The following LRP1B variants were observed in gnomAD, a reference collection of about 807,000 sequenced individuals.
LRP1B encodes the protein LDL receptor related protein 1B, also known as low-density lipoprotein receptor-related protein 1B.
Under a neutral mutation model 556.6 loss-of-function variants are expected in LRP1B, and 217 were observed. That is an observed-to-expected ratio of 0.39 (90% CI 0.35 to 0.44). The LOEUF is 0.44. Among genes scored for constraint, LRP1B ranks in the 20% least tolerant of loss-of-function variants. LRP1B has a pLI of 1.00. For missense variants in LRP1B, 5,053 were observed against 5,620.8 expected (o/e 0.90, Z 3.23); for synonymous variants, 2,047 against 1,865.8 (o/e 1.10, Z -2.50).
intron 7 of LRP1B, among the ~76,000 whole-genome samples, chr2:141,143,634 TGA>T (rs1401089093): frequency 6.6e-6 from 1 of 152,146 alleles, no homozygotes; most frequent in African/African-American, 2.4e-5. Flanking sequence ...GCAAGTGTCC[TGA>T]GGTTTGGTGC....
chr2:140,810,990 C>G (rs1202395897), intron 32 of LRP1B, among the ~76,000 whole-genome samples: 1 of 152,150 alleles, frequency 6.6e-6, no homozygotes, highest in Non-Finnish European at 1.5e-5. Flanking sequence ...CTGGCCCAGC[C>G]TCACAAAGTG....
At chr2:141,557,289 C>A (rs544911549) in intron 2 of LRP1B, among the ~76,000 whole-genome samples, 28 of 151,766 alleles carry the variant, frequency 1.8e-4, no homozygotes, top group South Asian at 8.3e-4. Flanking sequence ...GAAAAGTAAG[C>A]AAATAATTAA....
intron 66 of LRP1B, among the ~76,000 whole-genome samples, chr2:140,405,213 G>A (rs1283869484): frequency 6.6e-6 from 1 of 152,150 alleles, no homozygotes; most frequent in African/African-American, 2.4e-5. Context: ...TATGGCAAAA[G>A]CAGTGCAAGG....
At chr2:141,119,784 A>G (rs1052848271) in intron 7 of LRP1B, among the ~76,000 whole-genome samples, 4 of 151,506 alleles carry the variant, frequency 2.6e-5, no homozygotes, top group East Asian at 3.9e-4. Context: ...TCCATTAAGT[A>G]TCTGTTATGT....
At chr2:140,825,925 T>G (rs1167594946) in intron 31 of LRP1B, among the ~76,000 whole-genome samples, 1 of 152,214 alleles carries the variant, frequency 6.6e-6, no homozygotes, top group Non-Finnish European at 1.5e-5. Context: ...TCTTGGGTGT[T>G]GCTGTGGAAG....
chr2:140,644,963 G>A (rs2105307425), intron 41 of LRP1B, among the ~76,000 whole-genome samples: 1 of 152,068 alleles, frequency 6.6e-6, no homozygotes, highest in South Asian at 2.1e-4. Context: ...AAATATTAAT[G>A]AATTGTTCAA....
chr2:141,042,187 T>G (rs1005382252), intron 11 of LRP1B, among the ~76,000 whole-genome samples: 22 of 152,132 alleles, frequency 1.4e-4, no homozygotes, highest in Non-Finnish European at 1.0e-4. Flanking sequence ...CCTTGGAAGA[T>G]AGAGATTACA....
At chr2:141,664,300 C>T (rs1027575149) in intron 2 of LRP1B, among the ~76,000 whole-genome samples, 1 of 152,122 alleles carries the variant, frequency 6.6e-6, no homozygotes, top group Non-Finnish European at 1.5e-5. Flanking sequence ...ACCAGCAGAA[C>T]ACAAGGATGC....
At chr2:141,590,776 CG>C (rs1687306271) in intron 2 of LRP1B, among the ~76,000 whole-genome samples, 1 of 152,028 alleles carries the variant, frequency 6.6e-6, no homozygotes, top group Non-Finnish European at 1.5e-5. Flanking sequence ...CCAGATATGC[CG>C]GGCTGCTGAC....
At chr2:140,304,941 G>T (rs1327819836) in intron 83 of LRP1B, among the ~76,000 whole-genome samples, 1 of 152,058 alleles carries the variant, frequency 6.6e-6, no homozygotes, top group Non-Finnish European at 1.5e-5. Flanking sequence ...GTTTTTGTCA[G>T]GTTTGTCAGA....
intron 2 of LRP1B, among the ~76,000 whole-genome samples, chr2:141,738,045 A>G (rs1424633879): frequency 1.3e-5 from 2 of 151,504 alleles, no homozygotes; most frequent in Non-Finnish European, 2.9e-5. Flanking sequence ...GCCACATGCA[A>G]TCTCCAGGAA....
At chr2:141,274,022 A>G (rs1442121287) in intron 3 of LRP1B, among the ~76,000 whole-genome samples, 2 of 152,142 alleles carry the variant, frequency 1.3e-5, no homozygotes, top group African/African-American at 4.8e-5. Context: ...ATACTACCTC[A>G]CACCTGTTAG....
At chr2:140,488,326 T>G (rs2105367937) in intron 57 of LRP1B, among the ~76,000 whole-genome samples, 1 of 152,188 alleles carries the variant, frequency 6.6e-6, no homozygotes, top group South Asian at 2.1e-4. Flanking sequence ...AATTTAAAAG[T>G]TACAACCTTG....
intron 2 of LRP1B, among the ~76,000 whole-genome samples, chr2:141,772,690 C>G (rs995018725): frequency 6.6e-6 from 1 of 152,192 alleles, no homozygotes; most frequent in Non-Finnish European, 1.5e-5. Context: ...AATCCCCAGT[C>G]TCTCAATCTG....
chr2:141,748,967 T>A (rs1257446598), intron 2 of LRP1B, among the ~76,000 whole-genome samples: 1 of 152,196 alleles, frequency 6.6e-6, no homozygotes, highest in Non-Finnish European at 1.5e-5. Context: ...AATACAGACA[T>A]GAATTTTCAA....
At chr2:140,621,680 A>C (rs1683463150) in intron 41 of LRP1B, among the ~76,000 whole-genome samples, 1 of 152,196 alleles carries the variant, frequency 6.6e-6, no homozygotes, top group Non-Finnish European at 1.5e-5. Flanking sequence ...GAATTAAATC[A>C]GTAATGGGGT....
At chr2:141,177,724 T>C (rs964743628) in intron 7 of LRP1B, among the ~76,000 whole-genome samples, 2 of 152,108 alleles carry the variant, frequency 1.3e-5, no homozygotes, top group Non-Finnish European at 1.5e-5. Flanking sequence ...GTTCAGACTT[T>C]TCTAATAGTT....
chr2:142,030,659 T>C (rs1488890608), intron 1 of LRP1B, among the ~76,000 whole-genome samples: 1 of 151,886 alleles, frequency 6.6e-6, no homozygotes, highest in African/African-American at 2.4e-5. Context: ...TGGCAGGAGA[T>C]AGATTTGTGT....
intron 11 of LRP1B, among the ~76,000 whole-genome samples, chr2:141,038,530 T>C (rs1558817223): frequency 6.6e-6 from 1 of 152,090 alleles, no homozygotes; most frequent in Admixed American, 6.6e-5. Flanking sequence ...TTTTTAAACA[T>C]ACTGGTTACA....
Sources: gnomAD v4.1 joint callset for allele counts (sites outside exome capture counted in the v4.1 genomes callset) on GRCh38, gnomAD v4.1.1 for gene constraint, MANE v1.5 for transcripts, NCBI Gene and HGNC (gene_info 2026-07-23, HGNC 2026-07-21) for gene names.